BRPF1: variants seen among roughly 807,000 people sequenced by gnomAD.
The protein encoded by BRPF1 is bromodomain and PHD finger containing 1.
BRPF1 carries 15 observed loss-of-function variants against 115.0 expected under a neutral mutation model. The observed-to-expected ratio is 0.13, with a 90% confidence interval of 0.09 to 0.20. BRPF1 has a LOEUF of 0.20. Ranked by LOEUF, BRPF1 falls within the 10% of genes least tolerant of loss-of-function variation. The pLI is 1.00. For missense variants in BRPF1, 1,118 were observed against 1,638.3 expected, an observed-to-expected ratio of 0.68 and a Z score of 5.48; for synonymous variants, 647 against 619.8, an observed-to-expected ratio of 1.04 and a Z score of -0.65.
Position 9,747,348 on chromosome 3 carries a change from G to A in BRPF1, c.3662G>A (p.Ter1221=), listed in dbSNP as rs1647127941. 1 of 1,613,312 alleles carries A rather than the reference G, an allele frequency of 6.2e-7. No individual in the cohort carries two copies. Among genetic ancestry groups the A allele is most frequent in the African/African-American group, 1.3e-5 (1 of 74,926 alleles). Residue 1221 remains the stop codon, a stop_retained_variant, in exon 14 of 14, where the codon TGA becomes TAA. Coordinates refer to ENST00000383829, the MANE Select transcript of BRPF1 (RefSeq NM_001003694.2). The surrounding 1 kb of genome is among the most constrained non-coding windows in gnomAD (Gnocchi z 5.6). ...AGCAGTGAGACCAGCGATAGTGATT[G>A]ATACTGCTCAACACAGCCCAACCTA... is the stretch of plus-strand genomic sequence containing the variant. The part of the protein sequence containing the change: ...EQSSETSDSD[*]
chr3:9,735,377 C>T (rs1370825306), intron 2 of BRPF1, among the ~76,000 whole-genome samples: 17 of 152,210 alleles, frequency 1.1e-4, no homozygotes, highest in Non-Finnish European at 1.0e-4. Context: ...GTCCCTCTGA[C>T]TCCATAGCTG....
rs139728605 is a variant in BRPF1 at position 9,742,899 on chromosome 3, A to G, written c.2002-45A>G. On this transcript the variant is annotated intron_variant, in intron 6 of 13. Transcript: ENST00000383829. ...TGTTAGGAGCAGGGTTCGGGGCAAT[A>G]AGGAGGATATCTCCACTTAAAACAA... The G allele has an allele frequency of 1.6e-3, 2,526 of 1,582,756 alleles. 4 individuals are homozygous for G. Among genetic ancestry groups the G allele is most frequent in the Non-Finnish European group, 2.0e-3 (2,265 of 1,160,738 alleles).
At chr3:9,742,508 T>A (rs2077048269) in intron 6 of BRPF1, 1 of 985,290 alleles carries the variant, frequency 1.0e-6, no homozygotes, top group South Asian at 4.7e-5. Context: ...TCTGAAGCCC[T>A]AGGTCCTGAC....
chr3:9,736,972 A>G (rs1192430548), intron 2 of BRPF1, among the ~76,000 whole-genome samples: 2 of 152,194 alleles, frequency 1.3e-5, no homozygotes, highest in African/African-American at 4.8e-5. Flanking sequence ...GTTATGCACC[A>G]TCACATAATG....
Position 9,734,349 on chromosome 3 carries a change from C to T in BRPF1, c.209C>T (p.Pro70Leu). 6.2e-7 allele frequency: 1 copy of T among 1,614,092 alleles called. No individual in the cohort carries two copies. Among genetic ancestry groups the T allele is most frequent in the African/African-American group, 1.3e-5 (1 of 74,998 alleles). ...AAGAAAAAGGGGCGCCAGTCACGCC[C>T]AGCCAACAAGCAGTCACCCAGCCCC... ...KHKKKGRQSR[P>L]ANKQSPSPSE... is the part of the protein sequence containing the mutation. Residue 70 changes from proline (P) to leucine (L), a missense_variant, in exon 2 of 14, where the codon CCA becomes CTA. By Grantham distance (98) the Pro-to-Leu change is moderately conservative. Around this residue, in one of 10 missense-constraint regions of BRPF1, gnomAD observed 280 missense variants for 382.8 expected, o/e 0.73. Transcript: ENST00000383829. This position sits in a 1 kb window ranked among gnomAD's most constrained non-coding sequence, Gnocchi z 5.7.
chr3:9,734,298 C>G lies in BRPF1; in HGVS notation c.158C>G (p.Pro53Arg). ...YHYDHDNPPPPQQTPLRKHKK... is the reference protein window; with the variant it reads ...YHYDHDNPPPRQQTPLRKHKK... ...TATGACCACGACAACCCACCACCCC[C>G]ACAACAAACTCCACTCCGCAAGCAC... Residue 53 changes from proline (P) to arginine (R), a missense_variant, in exon 2 of 14, where the codon CCA (proline) becomes CGA (arginine). Around this residue, in one of 10 missense-constraint regions of BRPF1, gnomAD observed 280 missense variants for 382.8 expected, o/e 0.73. Transcript: ENST00000383829. The surrounding 1 kb of genome is among the most constrained non-coding windows in gnomAD (Gnocchi z 5.7). The G allele has an allele frequency of 1.9e-6, 3 of 1,614,096 alleles. No homozygotes were observed. Among genetic ancestry groups the G allele is most frequent in the Non-Finnish European group, 2.5e-6 (3 of 1,180,026 alleles).
chr3:9,740,878 G>C lies in BRPF1; in HGVS notation c.1659G>C (p.Gly553=), dbSNP rs1381336767. The change falls in exon 4 of 14, where the codon GGG becomes GGC. Residue 553 remains glycine (G), a synonymous_variant. Transcript: ENST00000383829. ...CACTGAAGCGGCAGTCACGGAATGGGGTCCCATTGCTACGTCGCCTGCAGA... is the reference window on the plus strand; with the variant it reads ...CACTGAAGCGGCAGTCACGGAATGGCGTCCCATTGCTACGTCGCCTGCAGA... The part of the protein sequence containing the change: ...YWTLKRQSRN[G]VPLLRRLQTH... 1.2e-6 allele frequency: 2 copies of C among 1,613,952 alleles called. No homozygotes were observed. The highest frequency in any genetic ancestry group is 1.7e-6 in the Non-Finnish European group (2 of 1,180,042).
In BRPF1 at chr3:9,744,502, C is replaced by A; in HGVS notation, c.2914C>A (p.Pro972Thr). The A allele has an allele frequency of 6.6e-7, 1 of 1,519,866 alleles. No individual in the cohort carries two copies. The highest frequency in any genetic ancestry group is 8.8e-7 in the Non-Finnish European group (1 of 1,134,928). 94.1% of individuals were successfully genotyped at this position (1,519,866 alleles called of 1,614,324 possible). Residue 972 changes from proline (P) to threonine (T), a missense_variant, in exon 9 of 14, where the codon CCA becomes ACA. Around this residue, in one of 10 missense-constraint regions of BRPF1, gnomAD observed 92 missense variants for 102.2 expected, o/e 0.90. Coordinates refer to ENST00000383829, the MANE Select transcript of BRPF1 (RefSeq NM_001003694.2). ...SDSDKSTEDPPMDLPANGFSG... is the reference protein window; with the variant it reads ...SDSDKSTEDPTMDLPANGFSG... ...CAGTGATAAGTCCACAGAAGACCCC[C>A]CAATGGGTGAGCCTTACCATCACCC...
Position 9,747,459 on chromosome 3 carries a change from G to A in BRPF1, c.*110G>A. On this transcript the variant is annotated 3_prime_UTR_variant, in exon 14 of 14. Coordinates refer to ENST00000383829, the MANE Select transcript of BRPF1 (RefSeq NM_001003694.2). This position sits in a 1 kb window ranked among gnomAD's most constrained non-coding sequence, Gnocchi z 5.6. The stretch of plus-strand genomic sequence containing the variant: ...GCACTGACTCATTTCTGGTCTTGGG[G>A]CCAGTCTCAGGGGAAGCTGGGTGGG... The A allele has an allele frequency of 7.2e-7, 1 of 1,387,268 alleles. No homozygotes were observed. Among genetic ancestry groups the A allele is most frequent in the Non-Finnish European group, 9.9e-7 (1 of 1,010,172 alleles). 85.9% of individuals were successfully genotyped at this position (1,387,268 alleles called of 1,614,324 possible). A position where few individuals can be genotyped will look rare whatever the true frequency, so the allele number is the denominator to read the frequency against.
chr3:9,739,648 G>T lies in BRPF1; in HGVS notation c.1249G>T (p.Ala417Ser). The T allele has an allele frequency of 6.2e-7, 1 of 1,611,658 alleles. No homozygotes were observed. The highest frequency in any genetic ancestry group is 8.5e-7 in the Non-Finnish European group (1 of 1,177,858). The change falls in exon 3 of 14, where the codon GCT becomes TCT. Residue 417 changes from alanine to serine, a missense_variant. By Grantham distance (99) the Ala-to-Ser change is moderately conservative. Transcript: ENST00000383829. The part of the protein sequence containing the change: ...TAFHVTCAQQ[A>S]GLYMKMEPVR... ...TTTCCATGTGACATGCGCCCAGCAG[G>T]CTGGCCTTTACATGAAGATGGAGCC...
rs778199519 is a variant in BRPF1, at chr3:9,739,785, C to T, written c.1386C>T (p.Ser462=). Residue 462 remains serine (S), a synonymous_variant, in exon 3 of 14, where the codon AGC becomes AGT. Coordinates refer to ENST00000383829, the MANE Select transcript of BRPF1 (RefSeq NM_001003694.2). ...SARRLPALSH[S]EGEEDEDEEE... ...GCCGACTGCCTGCCCTGTCCCACAGCGAGGGTGAGGAGGATGAAGATGAGG... is the reference window on the plus strand; with the variant it reads ...GCCGACTGCCTGCCCTGTCCCACAGTGAGGGTGAGGAGGATGAAGATGAGG... 1.5e-5 allele frequency: 25 copies of T among 1,613,522 alleles called. No homozygotes were observed. The East Asian group carries it at 2.9e-4, about 19-fold the overall frequency.
At position 9,743,450 on chromosome 3, in the gene BRPF1, T is replaced by C; in HGVS notation, c.2312-128T>C. 1.7e-5 allele frequency: 22 copies of C among 1,257,156 alleles called. No individual in the cohort carries two copies. Among genetic ancestry groups the C allele is most frequent in the Non-Finnish European group, 2.4e-5 (22 of 904,284 alleles). 77.9% of individuals were successfully genotyped at this position (1,257,156 alleles called of 1,614,324 possible). A position where few individuals can be genotyped will look rare whatever the true frequency, so the allele number is the denominator to read the frequency against. Reference sequence around the variant, plus strand: ...TGCCCGCCATTCCACATCTTGGTGCTGCTATTTTACAGCTGTTCCTGGTGA... The same window carrying C: ...TGCCCGCCATTCCACATCTTGGTGCCGCTATTTTACAGCTGTTCCTGGTGA... On this transcript the variant is annotated intron_variant, in intron 7 of 13. Coordinates refer to ENST00000383829, the MANE Select transcript of BRPF1 (RefSeq NM_001003694.2). The surrounding 1 kb of genome is among the most constrained non-coding windows in gnomAD (Gnocchi z 6.1).
intron 5 of BRPF1, 53 bp from the exon 6 acceptor site, chr3:9,741,972 C>A: frequency 6.2e-7 from 1 of 1,605,318 alleles, no homozygotes. Flanking sequence ...CCTCAGACCT[C>A]TTTGCCACTG....
chr3:9,743,550 G>C lies in BRPF1; in HGVS notation c.2312-28G>C. On this transcript the variant is annotated intron_variant, in intron 7 of 13. Transcript: ENST00000383829. The surrounding 1 kb of genome is among the most constrained non-coding windows in gnomAD (Gnocchi z 6.1). ...GGGCCCTGAGGGCTGCCCTGAGTCT[G>C]ACCTTTCCCCTCCAACCCTACCCCT... 1 of 1,597,400 alleles carries C rather than the reference G, an allele frequency of 6.3e-7. No homozygotes were observed. The highest frequency in any genetic ancestry group is 8.5e-7 in the Non-Finnish European group (1 of 1,170,724).
In BRPF1 at chr3:9,747,124, T is replaced by G; in HGVS notation, c.3480-42T>G. On this transcript the variant is annotated intron_variant, in intron 13 of 13. Coordinates refer to ENST00000383829, the MANE Select transcript of BRPF1 (RefSeq NM_001003694.2). The surrounding 1 kb of genome is among the most constrained non-coding windows in gnomAD (Gnocchi z 5.6). ...ATAGAGGAGGAAGGCTGGTCCTTGT[T>G]CTCCCTGAGATGATTTATTTGATCT... The G allele has an allele frequency of 6.2e-7, 1 of 1,608,338 alleles. No individual in the cohort carries two copies. Among genetic ancestry groups the G allele is most frequent in the Non-Finnish European group, 8.5e-7 (1 of 1,175,842 alleles).
At position 9,745,479 on chromosome 3, in the gene BRPF1, C is replaced by T; in HGVS notation, c.3069-94C>T. The T allele has an allele frequency of 7.0e-7, 1 of 1,426,222 alleles. No homozygotes were observed. The highest frequency in any genetic ancestry group is 9.8e-7 in the Non-Finnish European group (1 of 1,024,882). The allele number at this position is 1,426,222 out of a possible 1,614,324, so 88.3% of individuals were successfully genotyped here. ...TATAGCCTCTGCTTTCCAAAAGTCTCAGACCCTGCGGGCTTTAAGAGCTGA... is the reference window on the plus strand; with the variant it reads ...TATAGCCTCTGCTTTCCAAAAGTCTTAGACCCTGCGGGCTTTAAGAGCTGA... On this transcript the variant is annotated intron_variant, in intron 10 of 13. Transcript: ENST00000383829. This position sits in a 1 kb window ranked among gnomAD's most constrained non-coding sequence, Gnocchi z 5.1.
At chr3:9,736,022 T>A (rs1321808857) in intron 2 of BRPF1, among the ~76,000 whole-genome samples, 1 of 55,292 alleles carries the variant, frequency 1.8e-5, no homozygotes, top group African/African-American at 8.0e-5. Context: ...TTTTTTTTTT[T>A]TTTTTTTGAG....
intron 2 of BRPF1, among the ~76,000 whole-genome samples, chr3:9,738,481 A>G (rs2076977778): frequency 6.6e-6 from 1 of 152,224 alleles, no homozygotes; most frequent in Admixed American, 6.5e-5. Flanking sequence ...GCTGATGCTG[A>G]CACTAGCTGA....
intron 2 of BRPF1, among the ~76,000 whole-genome samples, chr3:9,735,474 A>C (rs159159): frequency 0.35 from 53,207 of 151,946 alleles, 10,536 homozygotes; most frequent in African/African-American, 0.54. Flanking sequence ...ATGCATCCAA[A>C]TTAACGTGTG....
Sources: gnomAD v4.1 joint callset for allele counts (sites outside exome capture counted in the v4.1 genomes callset) on GRCh38, gnomAD v4.1.1 for gene constraint, gnomAD v4.1.1 regional missense constraint, Gnocchi (gnomAD v3.1) non-coding constraint, MANE v1.5 for transcripts, NCBI Gene and HGNC (gene_info 2026-07-23, HGNC 2026-07-21) for gene names.